CNTNAP2: variants seen among roughly 807,000 people sequenced by gnomAD.
CNTNAP2 encodes contactin associated protein 2, also known as contactin-associated protein-like 2.
Under a neutral mutation model 155.2 loss-of-function variants are expected in CNTNAP2, and 98 were observed. The ratio of observed to expected loss-of-function variants is 0.63; its 90% CI spans 0.54 to 0.75. The LOEUF is 0.75. Among genes scored for constraint, CNTNAP2 ranks in the 30% least tolerant of loss-of-function variants. The pLI, the probability that CNTNAP2 is intolerant of heterozygous loss-of-function variation, is 0.00. For synonymous variants in CNTNAP2, 651 were observed against 631.2 expected (o/e 1.03, Z -0.47); for missense variants, 1,727 against 1,688.1 (o/e 1.02, Z -0.40).
chr7:147,734,576 G>A (rs1342313240), intron 13 of CNTNAP2, among the ~76,000 whole-genome samples: 1 of 152,186 alleles, frequency 6.6e-6, no homozygotes, highest in African/African-American at 2.4e-5. Context: ...GATTGGAATA[G>A]TTTCAGAAGG....
chr7:146,185,078 T>C (rs1798603536), intron 1 of CNTNAP2, among the ~76,000 whole-genome samples: 2 of 152,154 alleles, frequency 1.3e-5, no homozygotes, highest in South Asian at 4.1e-4. Flanking sequence ...AAAATTAATA[T>C]TACGTCCAGT....
chr7:148,029,657 A>C (rs377049127), intron 15 of CNTNAP2, among the ~76,000 whole-genome samples: 1 of 152,184 alleles, frequency 6.6e-6, no homozygotes, highest in African/African-American at 2.4e-5. Context: ...ACTATCTTTT[A>C]ATTACAATTT....
At chr7:146,623,285 GT>G (rs1164975141) in intron 1 of CNTNAP2, among the ~76,000 whole-genome samples, 3 of 151,960 alleles carry the variant, frequency 2.0e-5, no homozygotes, top group African/African-American at 7.3e-5. Flanking sequence ...TCCTGCATAC[GT>G]TTTAAAGCGT....
intron 13 of CNTNAP2, among the ~76,000 whole-genome samples, chr7:147,727,415 C>A (rs1163233006): frequency 6.6e-6 from 1 of 152,018 alleles, no homozygotes; most frequent in Non-Finnish European, 1.5e-5. Context: ...AATCCTTAAT[C>A]TTTTAATCTA....
At chr7:147,311,399 G>C (rs1795123714) in intron 9 of CNTNAP2, among the ~76,000 whole-genome samples, 1 of 152,170 alleles carries the variant, frequency 6.6e-6, no homozygotes, top group Non-Finnish European at 1.5e-5. Flanking sequence ...GCACAGCTGA[G>C]GCAGTATTGG....
At chr7:148,044,226 A>G (rs115732372) in intron 15 of CNTNAP2, among the ~76,000 whole-genome samples, 4,425 of 123,964 alleles carry the variant, frequency 0.036, 236 homozygotes, top group African/African-American at 0.13. Flanking sequence ...TTTTTTTTCT[A>G]ATTTAGTCTC....
intron 3 of CNTNAP2, among the ~76,000 whole-genome samples, chr7:147,013,665 C>A (rs747716249): frequency 1.1e-4 from 17 of 152,122 alleles, no homozygotes; most frequent in Non-Finnish European, 2.2e-4. Flanking sequence ...TGAATATTTA[C>A]AGCATATGTT....
chr7:146,636,713 T>C (rs1799605644), intron 1 of CNTNAP2, among the ~76,000 whole-genome samples: 1 of 152,200 alleles, frequency 6.6e-6, no homozygotes, highest in African/African-American at 2.4e-5. Context: ...GGTCAAATCG[T>C]CTTAATACAC....
At chr7:147,492,980 A>C (rs1354172034) in intron 11 of CNTNAP2, among the ~76,000 whole-genome samples, 3 of 152,034 alleles carry the variant, frequency 2.0e-5, no homozygotes, top group Non-Finnish European at 2.9e-5. Context: ...TTTTTAATGT[A>C]CCCCAGAACT....
In CNTNAP2 at chr7:146,839,913, T is replaced by G. The variant is rs1803687505; in HGVS notation, c.402+9T>G. The stretch of plus-strand genomic sequence containing the variant: ...AAGATGGGAATATCTGGGTAAGTCA[T>G]TGGCAGGAAAGCAAAGACACAGAAT... On this transcript the variant is annotated intron_variant, in intron 3 of 23. Transcript: ENST00000361727. The G allele has an allele frequency of 6.2e-7, 1 of 1,613,968 alleles. No individual in the cohort carries two copies.
At chr7:146,924,813 C>T (rs1796572873) in intron 3 of CNTNAP2, among the ~76,000 whole-genome samples, 1 of 151,912 alleles carries the variant, frequency 6.6e-6, no homozygotes, top group Admixed American at 6.6e-5. Context: ...TGTGCTTAAG[C>T]TATTTCAAAG....
intron 1 of CNTNAP2, among the ~76,000 whole-genome samples, chr7:146,170,590 T>C (rs1224126606): frequency 1.3e-5 from 2 of 152,094 alleles, no homozygotes; most frequent in African/African-American, 4.8e-5. Context: ...TATGTTAACA[T>C]AGAAAATATG....
intron 1 of CNTNAP2, among the ~76,000 whole-genome samples, chr7:146,750,128 C>T (rs1215435192): frequency 1.3e-5 from 2 of 152,188 alleles, no homozygotes; most frequent in African/African-American, 4.8e-5. Context: ...TCTGAACAAT[C>T]AAATCCTGGC....
chr7:147,980,696 G>A (rs545321205), intron 15 of CNTNAP2, among the ~76,000 whole-genome samples: 77 of 151,668 alleles, frequency 5.1e-4, no homozygotes, highest in Non-Finnish European at 5.7e-4. Flanking sequence ...AGGCCGAGGC[G>A]GGCGGATCAC....
At position 146,446,979 on chromosome 7, in the gene CNTNAP2, T is replaced by A. The variant is rs116253631; in HGVS notation, c.98-327292T>A. Among the ~76,000 whole-genome samples, 781 of 152,148 alleles carry A rather than the reference T, an allele frequency of 5.1e-3. 9 individuals are homozygous for A. Among genetic ancestry groups the A allele is most frequent in the African/African-American group, 0.018 (729 of 41,550 alleles). ...CAATTTATACTAACTATGGCTTCAA[T>A]ACCTAGCAATATTTTTATTTTATTG... On this transcript the variant is annotated intron_variant, in intron 1 of 23. Transcript: ENST00000361727.
chr7:147,242,937 A>ATTTGTG (rs1803971232), intron 8 of CNTNAP2, among the ~76,000 whole-genome samples: 1 of 142,626 alleles, frequency 7.0e-6, no homozygotes, highest in African/African-American at 2.7e-5. Context: ...GTTTTGATGA[A>ATTTGTG]TTTGTGGTCA....
At chr7:148,321,676 A>G (rs1797791701) in intron 21 of CNTNAP2, among the ~76,000 whole-genome samples, 2 of 152,220 alleles carry the variant, frequency 1.3e-5, no homozygotes, top group African/African-American at 2.4e-5. Context: ...GGAGGGATTC[A>G]TGTATTTCAC....
At chr7:147,355,475 A>T (rs778119411) in intron 9 of CNTNAP2, among the ~76,000 whole-genome samples, 6 of 152,090 alleles carry the variant, frequency 3.9e-5, no homozygotes, top group Non-Finnish European at 5.9e-5. Flanking sequence ...GATACAAAAA[A>T]CCTTTCAAAA....
chr7:148,294,223 C>G (rs992430018), intron 21 of CNTNAP2, among the ~76,000 whole-genome samples: 2 of 152,074 alleles, frequency 1.3e-5, no homozygotes, highest in Admixed American at 1.3e-4. Flanking sequence ...TGGCACCCAT[C>G]TCTGCAAGAA....
Sources: allele counts gnomAD v4.1 joint callset (sites outside exome capture counted in the v4.1 genomes callset), GRCh38; gene constraint gnomAD v4.1.1; transcripts MANE v1.5; gene names NCBI Gene and HGNC (gene_info 2026-07-23, HGNC 2026-07-21).